The following STK3 variants were observed in gnomAD, a reference collection of about 807,000 sequenced individuals.
The protein encoded by STK3 is serine/threonine kinase 3, also known as serine/threonine-protein kinase 3.
In STK3, 41 loss-of-function variants were observed where a neutral mutation model predicts 58.0. The observed-to-expected ratio is 0.71, with a 90% CI of 0.55 to 0.92. The LOEUF (loss-of-function observed/expected upper bound fraction) is 0.92, where lower values mean the gene tolerates loss of function less well. Among genes scored for constraint, STK3 ranks in the 40% least tolerant of loss-of-function variants. The probability of loss-of-function intolerance (pLI) is 0.00; values close to 1 mark genes in which losing one functional copy is unlikely to be tolerated. For missense variants in STK3, 479 were observed against 602.7 expected (o/e 0.79, Z 2.15); for synonymous variants, 170 against 191.0 (o/e 0.89, Z 0.91).
chr8:98,539,178 C>T (rs1005813257), intron 9 of STK3, among the ~76,000 whole-genome samples: 2 of 152,174 alleles, frequency 1.3e-5, no homozygotes, highest in Admixed American at 6.5e-5. Flanking sequence ...ACTCCTTTGG[C>T]TCAAGGCTGT....
At chr8:98,736,474 G>A (rs1010424614) in intron 4 of STK3, among the ~76,000 whole-genome samples, 17 of 151,992 alleles carry the variant, frequency 1.1e-4, no homozygotes, top group Admixed American at 9.2e-4. Context: ...GAAGAAAGGA[G>A]GTAATACATA....
chr8:98,583,980 C>T (rs1020902992), intron 7 of STK3, among the ~76,000 whole-genome samples: 4 of 151,910 alleles, frequency 2.6e-5, no homozygotes, highest in Admixed American at 2.0e-4. Flanking sequence ...TCAACCTAAA[C>T]CTTCTCTCTG....
chr8:98,937,768 G>A (rs563277079), intron 1 of STK3, among the ~76,000 whole-genome samples: 6 of 152,206 alleles, frequency 3.9e-5, no homozygotes, highest in Non-Finnish European at 8.8e-5. Flanking sequence ...CCCTCCAGGG[G>A]AATATTCACA....
chr8:98,416,829 G>A (rs1168780966), intron 3 of STK3, among the ~76,000 whole-genome samples: 4 of 152,172 alleles, frequency 2.6e-5, no homozygotes, highest in Admixed American at 6.5e-5. Context: ...TTTGTCACTC[G>A]TGGGGAACAT....
intron 3 of STK3, among the ~76,000 whole-genome samples, chr8:98,425,948 A>G (rs994251272): frequency 3.9e-5 from 6 of 152,174 alleles, no homozygotes; most frequent in African/African-American, 1.4e-4. Flanking sequence ...GCAAGTGGAC[A>G]CCACAGAGAA....
intron 4 of STK3, among the ~76,000 whole-genome samples, chr8:98,736,646 G>A (rs747734947): frequency 6.6e-6 from 1 of 151,974 alleles, no homozygotes; most frequent in East Asian, 1.9e-4. Flanking sequence ...AATCAAGAAC[G>A]CTTTACCCCT....
chr8:98,903,556 C>CTTCTTCTTCTTCTA (rs200556218), intron 1 of STK3, among the ~76,000 whole-genome samples: 1 of 50,502 alleles, frequency 2.0e-5, no homozygotes, highest in African/African-American at 6.8e-5. Context: ...TCTTCTTCTT[C>CTTCTTCTTCTTCTA]CTTTTTTTTT....
chr8:98,507,157 G>T (rs1246527409), intron 10 of STK3, among the ~76,000 whole-genome samples: 1 of 152,072 alleles, frequency 6.6e-6, no homozygotes, highest in Non-Finnish European at 1.5e-5. Flanking sequence ...TCAGTCTCAT[G>T]GTTTTAAATA....
At chr8:98,500,283 G>A (rs927201807) in intron 10 of STK3, among the ~76,000 whole-genome samples, 2 of 152,160 alleles carry the variant, frequency 1.3e-5, no homozygotes, top group Non-Finnish European at 2.9e-5. Flanking sequence ...TGTAATCCCA[G>A]CACTTTGGGA....
chr8:98,608,766 G>A (rs970538823), intron 6 of STK3, among the ~76,000 whole-genome samples: 2 of 152,150 alleles, frequency 1.3e-5, no homozygotes, highest in African/African-American at 4.8e-5. Context: ...ATAGCTTGAT[G>A]CAGTAGTCAA....
At chr8:98,876,358 T>G (rs779569036) in intron 3 of STK3, among the ~76,000 whole-genome samples, 10 of 152,216 alleles carry the variant, frequency 6.6e-5, no homozygotes, top group Non-Finnish European at 1.5e-4. Context: ...GTTTTCTTAC[T>G]GTAAGAAACC....
intron 2 of STK3, among the ~76,000 whole-genome samples, chr8:98,374,785 G>A (rs1033327356): frequency 6.6e-6 from 1 of 152,122 alleles, no homozygotes; most frequent in African/African-American, 2.4e-5. Flanking sequence ...GAGAATGCAG[G>A]AGAAAATGAA....
At position 98,792,526 on chromosome 8, in the gene STK3, G is replaced by A. The variant is rs528664989; in HGVS notation, c.27-17707C>T. On this transcript the variant is annotated intron_variant, in intron 1 of 10. Coordinates refer to ENST00000419617, the MANE Select transcript of STK3 (RefSeq NM_006281.4). ...AGGCTGACCAACATGGAGAAACCCC[G>A]CCCCTACTAAAAAAAAATACAAAAT... is the stretch of plus-strand genomic sequence containing the variant. 1.3e-4 allele frequency among the ~76,000 whole-genome samples: 20 copies of A among 152,088 alleles called. No homozygotes were observed. In the South Asian group the frequency reaches 3.1e-3, roughly 24 times the overall value.
intron 1 of STK3, among the ~76,000 whole-genome samples, chr8:98,903,911 T>C (rs747075301): frequency 6.6e-6 from 1 of 152,114 alleles, no homozygotes; most frequent in Non-Finnish European, 1.5e-5. Context: ...AGAAACACAA[T>C]AGGACAGTGA....
intron 3 of STK3, among the ~76,000 whole-genome samples, chr8:98,876,814 CCTGT>C (rs1837575899): frequency 6.6e-6 from 1 of 152,162 alleles, no homozygotes. Context: ...CAGCAGCAAC[CCTGT>C]CTATTGCTGA....
chr8:98,920,197 T>C (rs1295276949), intron 1 of STK3, among the ~76,000 whole-genome samples: 2 of 152,108 alleles, frequency 1.3e-5, no homozygotes, highest in African/African-American at 2.4e-5. Context: ...TAAACTGAAA[T>C]TGCTTAAGAA....
rs1247526614 is a variant in STK3, at chr8:98,767,474, C to T, written c.108-103G>A. ...GTGGATAGTCTTTTCTAGTTTAAAA[C>T]ACTATTTAAATGATTAAAAAATCAA... is the stretch of plus-strand genomic sequence containing the variant. On this transcript the variant is annotated intron_variant, in intron 2 of 10. Transcript: ENST00000419617. 11 of 1,085,336 alleles carry T rather than the reference C, an allele frequency of 1.0e-5. No individual in the cohort carries two copies. In the South Asian group the frequency reaches 1.8e-4, roughly 18 times the overall value. 67.2% of individuals were successfully genotyped at this position (1,085,336 alleles called of 1,614,324 possible). A position where few individuals can be genotyped will look rare whatever the true frequency, so the allele number is the denominator to read the frequency against.
downstream of STK3, among the ~76,000 whole-genome samples, chr8:98,367,380 A>T (rs978548798): frequency 6.6e-6 from 1 of 152,204 alleles, no homozygotes; most frequent in African/African-American, 2.4e-5. Context: ...TAATCTTTGG[A>T]TCGCTCCCCC....
At chr8:98,783,442 T>G (rs951447424) in intron 1 of STK3, among the ~76,000 whole-genome samples, 1 of 152,214 alleles carries the variant, frequency 6.6e-6, no homozygotes, top group Non-Finnish European at 1.5e-5. Flanking sequence ...AAAAAGATTT[T>G]AAACACTTTA....
Sources: gnomAD v4.1 joint callset for allele counts (sites outside exome capture counted in the v4.1 genomes callset) on GRCh38, gnomAD v4.1.1 for gene constraint, MANE v1.5 for transcripts, NCBI Gene and HGNC (gene_info 2026-07-23, HGNC 2026-07-21) for gene names.